The following FHOD3 variants were observed in gnomAD, a reference collection of about 807,000 sequenced individuals.
FHOD3 encodes the protein FH1/FH2 domain-containing protein 3.
A neutral mutation model predicts 173.0 loss-of-function variants in FHOD3; 90 were observed. That is an observed-to-expected ratio of 0.52 (90% CI 0.44 to 0.62). The LOEUF (loss-of-function observed/expected upper bound fraction) is 0.62. FHOD3 is among the 20% of genes least tolerant of loss of function. The pLI, the probability that FHOD3 is intolerant of heterozygous loss-of-function variation, is 0.00. For missense variants in FHOD3, 1,945 were observed against 2,034.7 expected, an observed-to-expected ratio of 0.96 and a Z score of 0.85; for synonymous variants, 828 against 823.0, an observed-to-expected ratio of 1.01 and a Z score of -0.10.
chr18:36,322,777 G>A (rs1279512266), intron 1 of FHOD3, among the ~76,000 whole-genome samples: 3 of 152,142 alleles, frequency 2.0e-5, no homozygotes, highest in Non-Finnish European at 4.4e-5. Flanking sequence ...GTGCTTGCTG[G>A]CTTTGTCATC....
chr18:36,632,866 A>G (rs1172222438), intron 10 of FHOD3, among the ~76,000 whole-genome samples: 1 of 152,192 alleles, frequency 6.6e-6, no homozygotes, highest in African/African-American at 2.4e-5. Context: ...GTTTTTGAGC[A>G]GGAGTGAGAG....
At chr18:36,606,790 CA>C (rs1361222876) in intron 8 of FHOD3, among the ~76,000 whole-genome samples, 1 of 152,186 alleles carries the variant, frequency 6.6e-6, no homozygotes, top group East Asian at 1.9e-4. Context: ...CATAGATGTT[CA>C]CATTCCAAAA....
intron 3 of FHOD3, among the ~76,000 whole-genome samples, chr18:36,380,578 T>TTTTCTTTTCTTTTCCTTTCCTTTCC (rs1555686575): frequency 9.5e-5 from 5 of 52,452 alleles, no homozygotes; most frequent in African/African-American, 3.3e-4. Flanking sequence ...TTTTCTTTTC[T>TTTTCTTTTCTTTTCCTTTCCTTTCC]TTTCCTTTCC....
At chr18:36,673,065 T>C (rs1358059709) in intron 14 of FHOD3, among the ~76,000 whole-genome samples, 1 of 152,176 alleles carries the variant, frequency 6.6e-6, no homozygotes, top group Non-Finnish European at 1.5e-5. Context: ...CAACTCATCA[T>C]CGAAAAAGAA....
At chr18:36,352,241 T>A (rs1406319080) in intron 1 of FHOD3, among the ~76,000 whole-genome samples, 2 of 151,830 alleles carry the variant, frequency 1.3e-5, no homozygotes, top group East Asian at 3.8e-4. Flanking sequence ...GAGACCCCCC[T>A]GCTACAAAAA....
Position 36,667,279 on chromosome 18 carries a change from T to G in FHOD3, c.1835+9091T>G, listed in dbSNP as rs115741862. Among the ~76,000 whole-genome samples the G allele has an allele frequency of 4.1e-3, 622 of 152,184 alleles. 6 individuals are homozygous for G. The highest frequency in any genetic ancestry group is 0.014 in the African/African-American group (587 of 41,574). On this transcript the variant is annotated intron_variant, in intron 14 of 28. Transcript: ENST00000590592. ...AAAGCAGTGTTGGGCAATTTTGCTA[T>G]ACAAAAATAATAAGGGACTATTCTG... is the stretch of plus-strand genomic sequence containing the variant.
chr18:36,580,647 T>G (rs2058817186), intron 6 of FHOD3, among the ~76,000 whole-genome samples: 1 of 152,172 alleles, frequency 6.6e-6, no homozygotes, highest in Admixed American at 6.5e-5. Flanking sequence ...ACAAAACCAA[T>G]AGAGTGTCTG....
intron 5 of FHOD3, among the ~76,000 whole-genome samples, chr18:36,575,508 A>T (rs2058616656): frequency 6.6e-6 from 1 of 152,220 alleles, no homozygotes; most frequent in African/African-American, 2.4e-5. Flanking sequence ...TCTTTAATTT[A>T]TGGGAACATG....
chr18:36,401,661 C>G (rs546738684), intron 3 of FHOD3, among the ~76,000 whole-genome samples: 5 of 152,174 alleles, frequency 3.3e-5, no homozygotes, highest in Non-Finnish European at 5.9e-5. Flanking sequence ...ACAGGTACAA[C>G]AACATTCTAT....
intron 15 of FHOD3, 30 bp downstream of exon 15, chr18:36,681,600 T>C (rs965612992): frequency 8.4e-6 from 13 of 1,551,776 alleles, no homozygotes; most frequent in African/African-American, 3.6e-5. Flanking sequence ...TTTTTTTAAA[T>C]AGTGAGTTAA....
intron 4 of FHOD3, among the ~76,000 whole-genome samples, chr18:36,511,901 A>G (rs530918319): frequency 6.6e-6 from 1 of 152,284 alleles, no homozygotes; most frequent in South Asian, 2.1e-4. Context: ...CCCTGCTTCC[A>G]TGCTTGTCCT....
chr18:36,740,611 G>T lies in FHOD3; in HGVS notation c.3577-45G>T, dbSNP rs1163040520. On this transcript the variant is annotated intron_variant, in intron 20 of 28. Transcript: ENST00000590592. ...TATAACATTGAAGGGACAGGGGAGG[G>T]TCCATCACTAAGAGAAAATATACTA... The T allele has an allele frequency of 2.0e-6, 3 of 1,494,142 alleles. No individual in the cohort carries two copies. The East Asian group carries it at 7.1e-5, about 35-fold the overall frequency. 92.6% of individuals were successfully genotyped at this position (1,494,142 alleles called of 1,614,324 possible). A position where few individuals can be genotyped will look rare whatever the true frequency, so the allele number is the denominator to read the frequency against.
intron 1 of FHOD3, among the ~76,000 whole-genome samples, chr18:36,328,928 G>A (rs1490714703): frequency 2.0e-5 from 3 of 152,156 alleles, no homozygotes; most frequent in East Asian, 1.9e-4. Context: ...TGTCAAATAG[G>A]CCATGGATTC....
intron 16 of FHOD3, among the ~76,000 whole-genome samples, chr18:36,691,456 C>T (rs1333518463): frequency 6.6e-6 from 1 of 152,254 alleles, no homozygotes; most frequent in African/African-American, 2.4e-5. Context: ...TGCCACCATC[C>T]CATTTAACAC....
intron 3 of FHOD3, among the ~76,000 whole-genome samples, chr18:36,385,389 T>G (rs148761453): frequency 2.0e-5 from 3 of 152,134 alleles, no homozygotes; most frequent in Non-Finnish European, 4.4e-5. Flanking sequence ...TCTCTTCAAT[T>G]ATCCTGTTTT....
intron 17 of FHOD3, 117 bp from the exon 18 acceptor site, chr18:36,708,978 G>A: frequency 7.9e-7 from 1 of 1,268,818 alleles, no homozygotes; most frequent in African/African-American, 1.5e-5. Context: ...GGTCTCTTGG[G>A]GGCCATCTTT....
At chr18:36,677,555 A>G (rs2149369004) in intron 14 of FHOD3, among the ~76,000 whole-genome samples, 1 of 152,328 alleles carries the variant, frequency 6.6e-6, no homozygotes, top group African/African-American at 2.4e-5. Context: ...TCAGGATTCT[A>G]TCTGTGTATG....
intron 3 of FHOD3, among the ~76,000 whole-genome samples, chr18:36,407,827 G>A (rs2049144092): frequency 6.6e-6 from 1 of 152,208 alleles, no homozygotes; most frequent in Admixed American, 6.5e-5. Flanking sequence ...CTGTGCCTCA[G>A]TGTCCTCATC....
intron 25 of FHOD3, among the ~76,000 whole-genome samples, chr18:36,757,432 A>G (rs2042677591): frequency 6.6e-6 from 1 of 152,226 alleles, no homozygotes; most frequent in Non-Finnish European, 1.5e-5. Context: ...AGATGTGAGT[A>G]TAAAGAAAAG....
Sources: allele counts gnomAD v4.1 joint callset (sites outside exome capture counted in the v4.1 genomes callset), GRCh38; gene constraint gnomAD v4.1.1; transcripts MANE v1.5; gene names NCBI Gene and HGNC (gene_info 2026-07-23, HGNC 2026-07-21).